Variants in SUPT3H observed in about 807,000 individuals in gnomAD.
SUPT3H encodes the protein transcription initiation protein SPT3 homolog.
SUPT3H carries 44 observed loss-of-function variants against 44.3 expected under a neutral mutation model. The ratio of observed to expected loss-of-function variants is 0.99; its 90% CI spans 0.78 to 1.28. The LOEUF (loss-of-function observed/expected upper bound fraction) is 1.28. Among genes scored for constraint, SUPT3H ranks in the 50% most tolerant of loss-of-function variants. The pLI is 0.00. For synonymous variants in SUPT3H, 124 were observed against 125.6 expected (o/e 0.99, Z 0.09); for missense variants, 380 against 387.1 (o/e 0.98, Z 0.15).
chr6:45,272,330 T>G (rs959611866), intron 2 of SUPT3H, among the ~76,000 whole-genome samples: 1 of 152,136 alleles, frequency 6.6e-6, no homozygotes, highest in South Asian at 2.1e-4. Context: ...GGGAGGTGAC[T>G]GAATCATGGG....
intron 2 of SUPT3H, among the ~76,000 whole-genome samples, chr6:45,324,319 G>A (rs1348936050): frequency 6.6e-6 from 1 of 151,920 alleles, no homozygotes; most frequent in Non-Finnish European, 1.5e-5. Flanking sequence ...AAGGATTCAA[G>A]AAACAATTAA....
At chr6:45,203,823 G>A (rs1762783915) in intron 2 of SUPT3H, among the ~76,000 whole-genome samples, 1 of 152,070 alleles carries the variant, frequency 6.6e-6, no homozygotes, top group Non-Finnish European at 1.5e-5. Flanking sequence ...ACTTTTCCAA[G>A]AAAGCCCCCC....
intron 10 of SUPT3H, among the ~76,000 whole-genome samples, chr6:44,861,755 C>G (rs1774704387): frequency 6.6e-6 from 1 of 152,038 alleles, no homozygotes; most frequent in African/African-American, 2.4e-5. Flanking sequence ...AAGAAGGGCC[C>G]TGGAAGTTTC....
intron 2 of SUPT3H, among the ~76,000 whole-genome samples, chr6:45,158,201 GAGATAGATAGATAGAT>G (rs3054762): frequency 0.015 from 1,845 of 121,708 alleles, 56 homozygotes; most frequent in African/African-American, 0.055. Context: ...AGAAACCATA[GAGATAGATAGATAGAT>G]AGATAGATAG....
intron 2 of SUPT3H, among the ~76,000 whole-genome samples, chr6:45,237,311 G>C (rs899984432): frequency 1.3e-5 from 2 of 152,184 alleles, no homozygotes; most frequent in Non-Finnish European, 2.9e-5. Context: ...AACATAGTTG[G>C]AGTTGGTAAA....
At chr6:45,354,268 A>G (rs1486966114) in intron 2 of SUPT3H, among the ~76,000 whole-genome samples, 1 of 152,168 alleles carries the variant, frequency 6.6e-6, no homozygotes, top group Admixed American at 6.5e-5. Context: ...TAAAAATAAT[A>G]TGATAGATAT....
At chr6:45,060,488 T>C (rs992842856) in intron 3 of SUPT3H, among the ~76,000 whole-genome samples, 4 of 151,638 alleles carry the variant, frequency 2.6e-5, no homozygotes, top group Non-Finnish European at 5.9e-5. Context: ...CCCAAAACTA[T>C]ACTAGATGAA....
chr6:44,923,926 C>T (rs1329589563), intron 10 of SUPT3H, among the ~76,000 whole-genome samples: 1 of 152,064 alleles, frequency 6.6e-6, no homozygotes, highest in Non-Finnish European at 1.5e-5. Flanking sequence ...AAATGAAGTT[C>T]ACCAAATATG....
chr6:45,349,979 G>C (rs1447229242), intron 2 of SUPT3H, among the ~76,000 whole-genome samples: 1 of 152,074 alleles, frequency 6.6e-6, no homozygotes, highest in Non-Finnish European at 1.5e-5. Context: ...GGTTTTATTA[G>C]TCACAGGAAA....
intron 2 of SUPT3H, among the ~76,000 whole-genome samples, chr6:45,226,379 A>C (rs1766944018): frequency 6.6e-6 from 1 of 151,998 alleles, no homozygotes; most frequent in African/African-American, 2.4e-5. Context: ...TACAGAAAAA[A>C]ATTAAATTTT....
intron 10 of SUPT3H, among the ~76,000 whole-genome samples, chr6:44,902,698 A>T (rs943543771): frequency 1.3e-5 from 2 of 152,034 alleles, no homozygotes; most frequent in Non-Finnish European, 2.9e-5. Context: ...CATCTACAGA[A>T]CTCCCCACTG....
At chr6:45,327,962 C>T (rs1156486108) in intron 2 of SUPT3H, among the ~76,000 whole-genome samples, 1 of 151,802 alleles carries the variant, frequency 6.6e-6, no homozygotes, top group East Asian at 1.9e-4. Context: ...AAAGAGGAGG[C>T]AAAAAGGCAG....
chr6:44,903,457 T>C (rs1176958826), intron 10 of SUPT3H, among the ~76,000 whole-genome samples: 2 of 152,078 alleles, frequency 1.3e-5, no homozygotes, highest in Non-Finnish European at 2.9e-5. Flanking sequence ...CCTGGACACA[T>C]ACACCCTCCC....
At chr6:45,237,293 C>T (rs892531349) in intron 2 of SUPT3H, among the ~76,000 whole-genome samples, 1 of 152,180 alleles carries the variant, frequency 6.6e-6, no homozygotes, top group African/African-American at 2.4e-5. Context: ...ATTCAACCCA[C>T]TCAATTTAAC....
intron 10 of SUPT3H, among the ~76,000 whole-genome samples, chr6:44,831,542 C>CAAAGT (rs1241125505): frequency 6.6e-6 from 1 of 152,230 alleles, no homozygotes; most frequent in East Asian, 1.9e-4. Context: ...AGGCTTATGC[C>CAAAGT]AAAGTAATAC....
chr6:45,013,054 C>T (rs1783728307), intron 5 of SUPT3H, among the ~76,000 whole-genome samples: 1 of 151,990 alleles, frequency 6.6e-6, no homozygotes, highest in South Asian at 2.1e-4. Context: ...GCTGTTAGCC[C>T]CCACTAATTG....
intron 3 of SUPT3H, among the ~76,000 whole-genome samples, chr6:45,065,860 C>A (rs1240780949): frequency 1.4e-5 from 2 of 147,092 alleles, no homozygotes; most frequent in Admixed American, 1.4e-4. Context: ...GATGGATTCA[C>A]AGCCGAATTC....
chr6:45,230,662 CTA>C (rs66480751), intron 2 of SUPT3H, among the ~76,000 whole-genome samples: 714 of 68,720 alleles, frequency 0.01, 76 homozygotes, highest in African/African-American at 0.027. Context: ...TTCATTCAGT[CTA>C]TATATATATA....
intron 6 of SUPT3H, among the ~76,000 whole-genome samples, chr6:44,980,117 G>C (rs1582877413): frequency 6.6e-6 from 1 of 151,980 alleles, no homozygotes; most frequent in Non-Finnish European, 1.5e-5. Flanking sequence ...GAAGTCTCCA[G>C]GGCCTCAATC....
Sources: allele counts gnomAD v4.1 joint callset (sites outside exome capture counted in the v4.1 genomes callset), GRCh38; gene constraint gnomAD v4.1.1; transcripts MANE v1.5; gene names NCBI Gene and HGNC (gene_info 2026-07-23, HGNC 2026-07-21).